MORN1: variants seen among roughly 807,000 people sequenced by gnomAD.
MORN1 encodes the protein MORN repeat containing 1, also known as MORN repeat-containing protein 1.
In MORN1, 67 loss-of-function variants were observed where a neutral mutation model predicts 61.9. The ratio of observed to expected loss-of-function variants is 1.08; its 90% confidence interval spans 0.89 to 1.33. The LOEUF (loss-of-function observed/expected upper bound fraction) is 1.33. MORN1 is among the 40% of genes most tolerant of loss of function. MORN1 has a pLI of 0.00. For missense variants in MORN1, 752 were observed against 691.2 expected, an observed-to-expected ratio of 1.09 and a Z score of -0.99; for synonymous variants, 301 against 292.0, an observed-to-expected ratio of 1.03 and a Z score of -0.31.
intron 10 of MORN1, among the ~76,000 whole-genome samples, chr1:2,338,306 C>T (rs921594632): frequency 2.0e-5 from 3 of 152,206 alleles, no homozygotes; most frequent in African/African-American, 7.2e-5. Flanking sequence ...TGCAAGGACA[C>T]TCTTTAACTG....
intron 6 of MORN1, among the ~76,000 whole-genome samples, chr1:2,379,496 T>G (rs1052062895): frequency 6.6e-6 from 1 of 152,124 alleles, no homozygotes; most frequent in Non-Finnish European, 1.5e-5. Context: ...GCCAAACTCC[T>G]GTGCACAAAG....
At chr1:2,371,614 T>G (rs1642124810) in intron 8 of MORN1, 1 of 152,250 alleles carries the variant, frequency 6.6e-6, no homozygotes, top group Non-Finnish European at 1.5e-5. Flanking sequence ...AGTTTAGCAG[T>G]TTCTTTAAAA....
chr1:2,357,097 G>A lies in MORN1; in HGVS notation c.1036+335C>T, dbSNP rs374647776. Among the ~76,000 whole-genome samples, 24 of 152,270 alleles carry A rather than the reference G, an allele frequency of 1.6e-4. No individual in the cohort carries two copies. The highest frequency in any genetic ancestry group is 4.6e-4 in the African/African-American group (19 of 41,558). On this transcript the variant is annotated intron_variant, in intron 10 of 13. Coordinates refer to ENST00000378531, the MANE Select transcript of MORN1 (RefSeq NM_024848.3). The surrounding 1 kb of genome is among the most constrained non-coding windows in gnomAD (Gnocchi z 6.3). ...CCGGGCGGCAGGAGTGGCTGGGGCCGTGTCCAGGCTGGCCACTGGCCTCGA... is the reference window on the plus strand; with the variant it reads ...CCGGGCGGCAGGAGTGGCTGGGGCCATGTCCAGGCTGGCCACTGGCCTCGA...
intron 13 of MORN1, chr1:2,322,395 GC>G (rs1442528435): frequency 1.8e-5 from 18 of 985,256 alleles, no homozygotes; most frequent in Non-Finnish European, 2.2e-5. Flanking sequence ...GCAAGGCAGA[GC>G]AACATTCCAG....
chr1:2,321,493 C>G lies in MORN1; in HGVS notation c.1384G>C (p.Val462Leu). ...GGTGGCTGGCCAGCCCTCTTCGCTACGACCCGCAGGTGTTTGAAGGCCGGG... is the reference window on the plus strand; with the variant it reads ...GGTGGCTGGCCAGCCCTCTTCGCTAGGACCCGCAGGTGTTTGAAGGCCGGG... ...LPPAFKHLRV[V>L]AKRAGQPPHV... The change falls in exon 14 of 14, where the codon GTA becomes CTA. Residue 462 changes from valine (V) to leucine (L), a missense_variant. By Grantham distance (32) the Val-to-Leu change is conservative (BLOSUM62 1). Transcript: ENST00000378531. 1 of 1,527,946 alleles carries G rather than the reference C, an allele frequency of 6.5e-7. No homozygotes were observed. Among genetic ancestry groups the G allele is most frequent in the Non-Finnish European group, 8.8e-7 (1 of 1,137,544 alleles). 94.6% of individuals were successfully genotyped at this position (1,527,946 alleles called of 1,614,324 possible).
At chr1:2,377,162 ACAGGTGTG>A (rs1241258077) in intron 6 of MORN1, 1 of 152,426 alleles carries the variant, frequency 6.6e-6, no homozygotes, top group Admixed American at 6.5e-5. Flanking sequence ...CCAGGTGAGC[ACAGGTGTG>A]CGGTACGGGA....
intron 7 of MORN1, 91 bp downstream of exon 7, chr1:2,374,370 T>G: frequency 8.9e-7 from 1 of 1,120,310 alleles, no homozygotes; most frequent in Non-Finnish European, 1.3e-6. Flanking sequence ...CAGTGTGCTC[T>G]TGGTCAGTGT....
chr1:2,388,537 G>A (rs955828086), intron 2 of MORN1, 200 bp from the exon 3 acceptor site: 1 of 533,902 alleles, frequency 1.9e-6, no homozygotes, highest in Non-Finnish European at 3.3e-6. Context: ...TGAGCGGCCG[G>A]CGCCTTCAGC....
At chr1:2,365,779 A>G (rs1256064829) in intron 8 of MORN1, among the ~76,000 whole-genome samples, 2 of 152,002 alleles carry the variant, frequency 1.3e-5, no homozygotes, top group South Asian at 2.1e-4. Context: ...ACAATGAGAT[A>G]CCATCTCAAA....
rs551696471 is a variant in MORN1, at chr1:2,374,443, G to A, written c.634+18C>T. 8.6e-5 allele frequency: 134 copies of A among 1,564,988 alleles called. 2 individuals carry two copies. In the South Asian group the frequency reaches 1.4e-3, roughly 16 times the overall value. ...ACAGTGGACCTCACAGTGCCCACAG[G>A]AAGGCAGGGACACCTACCTGCTGGG... On this transcript the variant is annotated intron_variant, in intron 7 of 13. Transcript: ENST00000378531.
rs1386893742 is a variant in MORN1 at position 2,382,406 on chromosome 1, G to A, written c.537+2572C>T. Among the ~76,000 whole-genome samples the A allele has an allele frequency of 3.3e-5, 5 of 152,160 alleles. No homozygotes were observed. The South Asian group carries it at 8.3e-4, about 25-fold the overall frequency. On this transcript the variant is annotated intron_variant, in intron 6 of 13. Coordinates refer to ENST00000378531, the MANE Select transcript of MORN1 (RefSeq NM_024848.3). ...GGTGGGGATCATGAGCCAATGCACC[G>A]AAAGGCTGACAGCAGCGCCTGGCAC...
chr1:2,345,857 A>ACACAC (rs1298968582), intron 10 of MORN1, among the ~76,000 whole-genome samples: 164 of 99,898 alleles, frequency 1.6e-3, no homozygotes, highest in Middle Eastern at 4.7e-3. Context: ...ACACACACAG[A>ACACAC]TGTTTGCTCT....
rs563268828 is a variant in MORN1 at position 2,391,208 on chromosome 1, C to T, written c.76+250G>A. Among the ~76,000 whole-genome samples, 1,045 of 152,256 alleles carry T rather than the reference C, an allele frequency of 6.9e-3. 9 individuals carry two copies. The highest frequency in any genetic ancestry group is 0.024 in the African/African-American group (996 of 41,556). Reference sequence around the variant, plus strand: ...GAACCCGGTCTTCCCGGCTAGGAGCCCGCGGGGGGCGACCCCCTGCAGGGC... The same window carrying T: ...GAACCCGGTCTTCCCGGCTAGGAGCTCGCGGGGGGCGACCCCCTGCAGGGC... On this transcript the variant is annotated intron_variant, in intron 1 of 13. Coordinates refer to ENST00000378531, the MANE Select transcript of MORN1 (RefSeq NM_024848.3).
chr1:2,341,312 G>A (rs1641388974), intron 10 of MORN1, among the ~76,000 whole-genome samples: 1 of 152,090 alleles, frequency 6.6e-6, no homozygotes. Flanking sequence ...CAGTGTACCT[G>A]CCCCCCAACA....
rs540784589 is a variant in MORN1, at chr1:2,337,069, G to A, written c.1037-219C>T. ...GGAGGTGGGGGTCCTCCGTGTCCAC[G>A]GCCTCTGACGCCCCCGCCCCCTTCT... On this transcript the variant is annotated intron_variant, in intron 10 of 13. Transcript: ENST00000378531. The surrounding 1 kb of genome is among the most constrained non-coding windows in gnomAD (Gnocchi z 5.7). Among the ~76,000 whole-genome samples, 6 of 152,234 alleles carry A rather than the reference G, an allele frequency of 3.9e-5. No homozygotes were observed. The highest frequency in any genetic ancestry group is 1.4e-4 in the African/African-American group (6 of 41,538).
chr1:2,359,055 G>T (rs1372307994), intron 8 of MORN1, among the ~76,000 whole-genome samples: 1 of 152,124 alleles, frequency 6.6e-6, no homozygotes, highest in African/African-American at 2.4e-5. Context: ...CTAGCCTGGG[G>T]CTGGCACACT....
chr1:2,338,353 T>C (rs956667077), intron 10 of MORN1, among the ~76,000 whole-genome samples: 1 of 152,210 alleles, frequency 6.6e-6, no homozygotes, highest in African/African-American at 2.4e-5. Flanking sequence ...GGCCCGGCAC[T>C]ATTTACGTCC....
In MORN1 at chr1:2,334,603, C is replaced by T. The variant is rs780683810; in HGVS notation, c.1250+1866G>A. Among the ~76,000 whole-genome samples the T allele has an allele frequency of 1.3e-4, 20 of 152,148 alleles. No homozygotes were observed. The highest frequency in any genetic ancestry group is 3.9e-4 in the Admixed American group (6 of 15,282). ...GGCCCTGGCTGTGTGGCCGTGGAGC[C>T]GGCAGGAGGCAGGGGAAGTGGCCGC... On this transcript the variant is annotated intron_variant, in intron 12 of 13. Coordinates refer to ENST00000378531, the MANE Select transcript of MORN1 (RefSeq NM_024848.3). The surrounding 1 kb of genome is among the most constrained non-coding windows in gnomAD (Gnocchi z 5.4).
intron 12 of MORN1, among the ~76,000 whole-genome samples, chr1:2,326,983 C>T (rs370478824): frequency 5.3e-5 from 8 of 152,306 alleles, no homozygotes; most frequent in Non-Finnish European, 7.3e-5. Flanking sequence ...GACACACTGG[C>T]GCCCACACAG....
Sources: gnomAD v4.1 joint callset for allele counts (sites outside exome capture counted in the v4.1 genomes callset) on GRCh38, gnomAD v4.1.1 for gene constraint, Gnocchi (gnomAD v3.1) non-coding constraint, MANE v1.5 for transcripts, NCBI Gene and HGNC (gene_info 2026-07-23, HGNC 2026-07-21) for gene names.